RPL35: variants seen among roughly 807,000 people sequenced by gnomAD.
RPL35 encodes the protein ribosomal protein L35, also known as large ribosomal subunit protein uL29.
RPL35 carries 2 observed loss-of-function variants against 15.6 expected under a neutral mutation model. That is an observed-to-expected ratio of 0.13 (90% CI 0.05 to 0.40). RPL35 has a LOEUF of 0.40. Ranked by LOEUF, RPL35 falls within the 10% of genes least tolerant of loss-of-function variation. RPL35 has a pLI of 0.99. For missense variants in RPL35, 111 were observed against 164.7 expected, an observed-to-expected ratio of 0.67 and a Z score of 1.79; for synonymous variants, 93 against 67.9, an observed-to-expected ratio of 1.37 and a Z score of -1.82.
chr9:124,861,702 G>A, intron 1 of RPL35, 147 bp from the exon 2 acceptor site: 3 of 1,354,214 alleles, frequency 2.2e-6, no homozygotes, highest in Non-Finnish European at 3.0e-6. Flanking sequence ...TCCCTCGCCG[G>A]CCGTGCCTTG....
chr9:124,860,186 G>A lies in RPL35; in HGVS notation c.219C>T (p.Tyr73=), dbSNP rs2131325168. Residue 73 remains tyrosine (Y), a synonymous_variant, in exon 3 of 4, where the codon TAC becomes TAT. Coordinates refer to ENST00000348462, the MANE Select transcript of RPL35 (RefSeq NM_007209.4). ...CCCTATGTCCAGGCAGACTCACCTT[G>A]TAGAATTTCCTGAGGTTTTCTTTCT... ...QTQKENLRKF[Y]KGKKYKPLDL... is the part of the protein sequence containing the mutation. The A allele has an allele frequency of 6.2e-7, 1 of 1,612,548 alleles. No homozygotes were observed. Among genetic ancestry groups the A allele is most frequent in the East Asian group, 2.2e-5 (1 of 44,868 alleles).
At chr9:124,858,413 C>T in intron 3 of RPL35, 4 of 701,272 alleles carry the variant, frequency 5.7e-6, no homozygotes, top group Non-Finnish European at 1.1e-5. Flanking sequence ...CAACCTAGTA[C>T]AGGGCACGCA....
Position 124,858,035 on chromosome 9 carries a change from A to C in RPL35, c.255T>G (p.Pro85=), listed in dbSNP as rs1214930885. The C allele has an allele frequency of 6.2e-7, 1 of 1,612,392 alleles. No homozygotes were observed. The highest frequency in any genetic ancestry group is 2.2e-5 in the East Asian group (1 of 44,892). The change falls in exon 4 of 4, where the codon CCT becomes CCG. Residue 85 remains proline (P), a synonymous_variant. Coordinates refer to ENST00000348462, the MANE Select transcript of RPL35 (RefSeq NM_007209.4). ...GGCGGCGCATGGCACGTGTCTTCTTAGGCCGCAGGTCCAGGGGCTTGTACT... is the reference window on the plus strand; with the variant it reads ...GGCGGCGCATGGCACGTGTCTTCTTCGGCCGCAGGTCCAGGGGCTTGTACT... ...GKKYKPLDLR[P]KKTRAMRRRL...
chr9:124,861,872 C>A, intron 1 of RPL35, 38 bp downstream of exon 1: 1 of 1,601,672 alleles, frequency 6.2e-7, no homozygotes, highest in Admixed American at 1.7e-5. Flanking sequence ...CCCCGCGCCT[C>A]ACAGCGCTCG....
chr9:124,861,593 G>C (rs1423087947), intron 1 of RPL35, 38 bp from the exon 2 acceptor site: 1 of 1,608,326 alleles, frequency 6.2e-7, no homozygotes, highest in Non-Finnish European at 8.5e-7. Flanking sequence ...CCAGGCCGCG[G>C]GGCCATATCC....
At chr9:124,861,762 A>G (rs1829201853) in intron 1 of RPL35, 148 bp downstream of exon 1, 2 of 1,339,414 alleles carry the variant, frequency 1.5e-6, no homozygotes, top group African/African-American at 3.0e-5. Flanking sequence ...CGCCAAGCGA[A>G]GAGGCGGGTT....
rs1829200615 is a variant in RPL35 at position 124,861,723 on chromosome 9, C to T, written c.4-168G>A. 3.0e-6 allele frequency: 4 copies of T among 1,327,834 alleles called. No homozygotes were observed. The South Asian group carries it at 4.3e-5, about 14-fold the overall frequency. The allele number at this position is 1,327,834 out of a possible 1,614,324, so 82.3% of individuals were successfully genotyped here. ...GCCGGCCGTGCCTTGGGCAGAGTAA[C>T]CCAGGCCCGGGCCGCGCGCCTCTCC... On this transcript the variant is annotated intron_variant, in intron 1 of 3. Coordinates refer to ENST00000348462, the MANE Select transcript of RPL35 (RefSeq NM_007209.4).
chr9:124,858,486 G>A (rs996253535), intron 3 of RPL35: 6 of 716,794 alleles, frequency 8.4e-6, no homozygotes, highest in African/African-American at 3.5e-5. Context: ...GAGCATGCTG[G>A]GGGCTGAGGC....
intron 3 of RPL35, among the ~76,000 whole-genome samples, chr9:124,858,900 G>A (rs1327749535): frequency 9.5e-6 from 1 of 105,278 alleles, no homozygotes; most frequent in Non-Finnish European, 2.2e-5. Context: ...AGGGCCCCAG[G>A]CCCCTGCAGG....
chr9:124,858,728 G>A (rs1470516613), intron 3 of RPL35, among the ~76,000 whole-genome samples: 8 of 152,254 alleles, frequency 5.3e-5, no homozygotes, highest in Non-Finnish European at 7.3e-5. Context: ...GGTCTCTCCT[G>A]TGTTCTGCAA....
intron 1 of RPL35, 172 bp downstream of exon 1, chr9:124,861,738 C>T: frequency 8.4e-6 from 11 of 1,309,562 alleles, no homozygotes; most frequent in Non-Finnish European, 1.0e-5. Context: ...GCCCGGGCCG[C>T]GCGCCTCTCC....
At chr9:124,860,162 C>T (rs1829174775) in intron 3 of RPL35, 21 bp downstream of exon 3, 3 of 1,592,744 alleles carry the variant, frequency 1.9e-6, no homozygotes, top group Non-Finnish European at 2.6e-6. Flanking sequence ...GCCAACCCTC[C>T]CTATGTCCAG....
chr9:124,861,407 C>T lies in RPL35; in HGVS notation c.140+12G>A. ...CCACCCACGAGGGCTGTGATCCGGC[C>T]GCCTCACTTACATCTTAGAGAGCTT... On this transcript the variant is annotated intron_variant, in intron 2 of 3. Transcript: ENST00000348462. The T allele has an allele frequency of 6.2e-7, 1 of 1,607,418 alleles. No homozygotes were observed.
In RPL35 at chr9:124,861,932, G is replaced by T. The variant is rs376632008; in HGVS notation, c.-20C>A. The stretch of plus-strand genomic sequence containing the variant: ...CACCATTGCTGCACAAGCCGCCAAC[G>T]CCGCCGCCCGCTCCGAGGGAAAGAG... On this transcript the variant is annotated 5_prime_UTR_variant, in exon 1 of 4. Transcript: ENST00000348462. 1.4e-5 allele frequency: 23 copies of T among 1,598,574 alleles called. No homozygotes were observed. The highest frequency in any genetic ancestry group is 2.0e-5 in the Non-Finnish European group (23 of 1,173,560).
chr9:124,861,153 T>C, intron 2 of RPL35: 1 of 440,636 alleles, frequency 2.3e-6, no homozygotes, highest in Non-Finnish European at 4.1e-6. Context: ...AAAACTCAAG[T>C]GTTGGTGGGA....
At chr9:124,860,156 AC>A in intron 3 of RPL35, 26 bp downstream of exon 3, 1 of 1,574,736 alleles carries the variant, frequency 6.4e-7, no homozygotes, top group Non-Finnish European at 8.7e-7. Flanking sequence ...CCTGCAGCCA[AC>A]CCTCCCTATG....
At chr9:124,861,029 G>A in intron 2 of RPL35, 1 of 177,472 alleles carries the variant, frequency 5.6e-6, no homozygotes, top group Non-Finnish European at 1.2e-5. Flanking sequence ...TTTGTACCCA[G>A]GTTGATGAAC....
At position 124,861,899 on chromosome 9, in the gene RPL35, G is replaced by A. The variant is rs1829204693; in HGVS notation, c.3+11C>T. The A allele has an allele frequency of 1.2e-6, 2 of 1,603,604 alleles. No individual in the cohort carries two copies. The highest frequency in any genetic ancestry group is 1.7e-6 in the Non-Finnish European group (2 of 1,176,148). ...CAGCGCTCGGATGGCGCCCGATTCCGCAGCTCTCACCATTGCTGCACAAGC... is the reference window on the plus strand; with the variant it reads ...CAGCGCTCGGATGGCGCCCGATTCCACAGCTCTCACCATTGCTGCACAAGC... On this transcript the variant is annotated intron_variant, in intron 1 of 3. Transcript: ENST00000348462.
chr9:124,861,182 G>C, intron 2 of RPL35: 1 of 500,388 alleles, frequency 2.0e-6, no homozygotes, highest in South Asian at 2.9e-5. Flanking sequence ...GAAGGGGTCC[G>C]GGTAGGCTTT....
Sources: gnomAD v4.1 joint callset for allele counts (sites outside exome capture counted in the v4.1 genomes callset) on GRCh38, gnomAD v4.1.1 for gene constraint, MANE v1.5 for transcripts, NCBI Gene and HGNC (gene_info 2026-07-23, HGNC 2026-07-21) for gene names.